The following CCDC102B variants were observed in gnomAD, a reference collection of about 807,000 sequenced individuals.
CCDC102B encodes the protein coiled-coil domain-containing protein 102B.
A neutral mutation model predicts 57.4 loss-of-function variants in CCDC102B; 75 were observed. The ratio of observed to expected loss-of-function variants is 1.31; its 90% CI spans 1.08 to 1.58. The LOEUF (loss-of-function observed/expected upper bound fraction) is 1.58, where lower values mean the gene tolerates loss of function less well. Ranked by LOEUF, CCDC102B falls within the 40% of genes most tolerant of loss-of-function variation. The probability of loss-of-function intolerance (pLI) is 0.00; values close to 1 mark genes in which losing one functional copy is unlikely to be tolerated. For missense variants in CCDC102B, 636 were observed against 582.6 expected (o/e 1.09, Z -0.94); for synonymous variants, 206 against 201.9 (o/e 1.02, Z -0.17).
chr18:68,971,408 T>G (rs2050297758), intron 6 of CCDC102B, among the ~76,000 whole-genome samples: 1 of 152,132 alleles, frequency 6.6e-6, no homozygotes, highest in Admixed American at 6.5e-5. Context: ...TGAAGTTACA[T>G]ATACACAGAA....
chr18:68,719,484 A>G (rs1399640002), intron 2 of CCDC102B, among the ~76,000 whole-genome samples: 2 of 152,174 alleles, frequency 1.3e-5, no homozygotes, highest in African/African-American at 2.4e-5. Context: ...AGGAGTAGTG[A>G]TATCCAAGGG....
chr18:68,794,969 C>T (rs2035581156), upstream of CCDC102B, among the ~76,000 whole-genome samples: 1 of 146,982 alleles, frequency 6.8e-6, no homozygotes. Context: ...GCAAGTAAGA[C>T]AGTGCCCTCC....
chr18:68,915,322 G>T (rs951996577), intron 6 of CCDC102B, among the ~76,000 whole-genome samples: 2 of 151,962 alleles, frequency 1.3e-5, no homozygotes, highest in East Asian at 3.9e-4. Flanking sequence ...TAACTGGCTG[G>T]GTATGTATGA....
At position 68,811,663 on chromosome 18, in the gene CCDC102B, C is replaced by A. The variant is rs558118385; in HGVS notation, c.-16+13482C>A. ...TAAGAAAGTCAACAATTTAGGCAGG[C>A]AGAAGGGTCTTTAAGAAAGAGGGAG... On this transcript the variant is annotated intron_variant, in intron 1 of 7. Transcript: ENST00000360242. Among the ~76,000 whole-genome samples the A allele has an allele frequency of 1.9e-3, 282 of 152,022 alleles. 1 individual carries two copies. Among genetic ancestry groups the A allele is most frequent in the African/African-American group, 6.4e-3 (266 of 41,462 alleles).
intron 2 of CCDC102B, among the ~76,000 whole-genome samples, chr18:68,767,602 T>C (rs1270589820): frequency 3.3e-5 from 5 of 152,342 alleles, no homozygotes; most frequent in African/African-American, 1.2e-4. Flanking sequence ...TACATGATAC[T>C]AGAACCTCAT....
intron 6 of CCDC102B, among the ~76,000 whole-genome samples, chr18:68,963,689 A>G (rs993599943): frequency 1.6e-4 from 24 of 151,842 alleles, no homozygotes; most frequent in Non-Finnish European, 2.8e-4. Context: ...TGTTGCAGTA[A>G]TATCTAACAA....
At chr18:68,935,533 C>A (rs189685119) in intron 6 of CCDC102B, among the ~76,000 whole-genome samples, 2 of 151,808 alleles carry the variant, frequency 1.3e-5, no homozygotes, top group Non-Finnish European at 2.9e-5. Flanking sequence ...AACCATGTGG[C>A]GATGTCAAAT....
chr18:68,781,523 A>G (rs1268500583), intron 2 of CCDC102B, among the ~76,000 whole-genome samples: 1 of 152,168 alleles, frequency 6.6e-6, no homozygotes, highest in South Asian at 2.1e-4. Context: ...GCAGGTATCC[A>G]GGCTGTCCTC....
downstream of CCDC102B, among the ~76,000 whole-genome samples, chr18:69,057,013 G>C (rs1490612628): frequency 6.6e-6 from 1 of 151,888 alleles, no homozygotes; most frequent in African/African-American, 2.4e-5. Context: ...ATTTCACCTG[G>C]CATAATGTCC....
At chr18:68,973,115 G>A (rs968618533) in intron 6 of CCDC102B, among the ~76,000 whole-genome samples, 3 of 152,026 alleles carry the variant, frequency 2.0e-5, no homozygotes, top group African/African-American at 7.2e-5. Flanking sequence ...TATGCATGGA[G>A]GTCCTTAATC....
chr18:68,868,280 A>G (rs571435301), intron 4 of CCDC102B, among the ~76,000 whole-genome samples: 4 of 152,348 alleles, frequency 2.6e-5, no homozygotes, highest in African/African-American at 9.6e-5. Flanking sequence ...GACCACTGAG[A>G]TAAGTCATTT....
chr18:68,941,267 A>T (rs1362699083), intron 6 of CCDC102B, among the ~76,000 whole-genome samples: 4 of 34,516 alleles, frequency 1.2e-4, no homozygotes, highest in Non-Finnish European at 5.5e-4. Flanking sequence ...ACAAAAATAA[A>T]AAAAAAACCC....
At chr18:69,048,315 G>A (rs989596898) in intron 7 of CCDC102B, among the ~76,000 whole-genome samples, 3 of 151,498 alleles carry the variant, frequency 2.0e-5, no homozygotes, top group Non-Finnish European at 2.9e-5. Flanking sequence ...ATTACTATTA[G>A]CCTATTACAT....
chr18:69,047,530 G>A (rs1386657277), intron 7 of CCDC102B, among the ~76,000 whole-genome samples: 1 of 152,054 alleles, frequency 6.6e-6, no homozygotes, highest in Non-Finnish European at 1.5e-5. Context: ...AGTATGAGAA[G>A]CCCTGACTAG....
At chr18:68,872,983 G>A (rs1166731331) in intron 4 of CCDC102B, among the ~76,000 whole-genome samples, 6 of 152,076 alleles carry the variant, frequency 3.9e-5, no homozygotes, top group Non-Finnish European at 8.8e-5. Flanking sequence ...GTTTATTATT[G>A]GATTTAATTC....
chr18:68,731,536 T>G (rs1442374025), intron 2 of CCDC102B, among the ~76,000 whole-genome samples: 3 of 152,004 alleles, frequency 2.0e-5, no homozygotes, highest in Non-Finnish European at 4.4e-5. Flanking sequence ...GACTCTACAT[T>G]TGCATATTAG....
Position 68,931,216 on chromosome 18 carries a change from G to T in CCDC102B, c.1263+33788G>T, listed in dbSNP as rs140530238. ...TGTTTGTTTGTTTTATATAATGAAG[G>T]CTTTACATTTGTCAACTGCTGGATT... On this transcript the variant is annotated intron_variant, in intron 6 of 7. Coordinates refer to ENST00000360242, the MANE Select transcript of CCDC102B (RefSeq NM_024781.3). Among the ~76,000 whole-genome samples the T allele has an allele frequency of 1.5e-4, 22 of 151,592 alleles. No homozygotes were observed. The South Asian group carries it at 2.7e-3, about 19-fold the overall frequency.
At chr18:68,905,220 C>A (rs549378281) in intron 6 of CCDC102B, among the ~76,000 whole-genome samples, 137 of 41,758 alleles carry the variant, frequency 3.3e-3, no homozygotes, top group Non-Finnish European at 6.1e-3. Context: ...AATAAAATAC[C>A]ATAGCAAAAA....
At chr18:68,929,680 C>T (rs1235780132) in intron 6 of CCDC102B, among the ~76,000 whole-genome samples, 3 of 151,908 alleles carry the variant, frequency 2.0e-5, no homozygotes, top group Non-Finnish European at 4.4e-5. Flanking sequence ...TCCAGAGCTT[C>T]TAAGCATTTC....
Sources: allele counts gnomAD v4.1 joint callset (sites outside exome capture counted in the v4.1 genomes callset), GRCh38; gene constraint gnomAD v4.1.1; transcripts MANE v1.5; gene names NCBI Gene and HGNC (gene_info 2026-07-23, HGNC 2026-07-21).